ELOF1: variants seen among roughly 807,000 people sequenced by gnomAD.
ELOF1 encodes the protein transcription elongation factor 1 homolog.
In ELOF1, 4 loss-of-function variants were observed where a neutral mutation model predicts 7.1. That is an observed-to-expected ratio of 0.56 (90% confidence interval 0.28 to 1.29). The LOEUF (loss-of-function observed/expected upper bound fraction) is 1.29. Ranked by LOEUF, ELOF1 falls within the 50% of genes most tolerant of loss-of-function variation. The pLI is 0.10. For missense variants in ELOF1, 59 were observed against 86.3 expected, an observed-to-expected ratio of 0.68 and a Z score of 1.25; for synonymous variants, 31 against 31.9, an observed-to-expected ratio of 0.97 and a Z score of 0.09.
chr19:11,553,560 CCACA>C (rs1972766033), intron 3 of ELOF1: 1 of 671,364 alleles, frequency 1.5e-6, no homozygotes, highest in South Asian at 1.8e-5. Flanking sequence ...TCACTCACAC[CCACA>C]CCCACACGCA....
At chr19:11,553,153 C>T in intron 3 of ELOF1, 1 of 401,440 alleles carries the variant, frequency 2.5e-6, no homozygotes, top group Non-Finnish European at 4.4e-6. Flanking sequence ...TCCTGGTTAC[C>T]ATGGGGAGGG....
At chr19:11,558,860 T>G (rs1282982489) in intron 1 of ELOF1, 1 of 152,144 alleles carries the variant, frequency 6.6e-6, no homozygotes, top group Non-Finnish European at 1.5e-5. Context: ...CAGCCTGTCC[T>G]GTGACAACGT....
At chr19:11,555,188 C>T (rs536436224) in intron 1 of ELOF1, 164 of 239,224 alleles carry the variant, frequency 6.9e-4, no homozygotes, top group African/African-American at 3.6e-3. Context: ...ACCCAAGAGG[C>T]GGAGACTGCA....
chr19:11,558,600 T>G (rs889543943), intron 1 of ELOF1, among the ~76,000 whole-genome samples: 10 of 151,718 alleles, frequency 6.6e-5, no homozygotes, highest in African/African-American at 2.4e-4. Flanking sequence ...AAAATTAGCC[T>G]TGAGTCTGTA....
intron 3 of ELOF1, chr19:11,553,649 G>T: frequency 7.6e-7 from 1 of 1,315,574 alleles, no homozygotes; most frequent in Non-Finnish European, 1.1e-6. Flanking sequence ...GACAGCCCAG[G>T]ACCCACACCC....
rs769903708 is a variant in ELOF1 at position 11,553,823 on chromosome 19, G to A, written c.187+188C>T. 6.2e-7 allele frequency: 1 copy of A among 1,614,154 alleles called. No individual in the cohort carries two copies. The highest frequency in any genetic ancestry group is 8.5e-7 in the Non-Finnish European group (1 of 1,180,032). On this transcript the variant is annotated intron_variant, in intron 3 of 3. Transcript: ENST00000586683. ...GGTTCTGACAGATCTGGGCCACTTA[G>A]GTCAAGGGCGATCATTGGCATTGGA...
rs2145055398 is a variant in ELOF1, at chr19:11,554,018, G to A, written c.180C>T (p.Pro60=). 1.9e-6 allele frequency: 3 copies of A among 1,614,152 alleles called. No homozygotes were observed. The East Asian group carries it at 6.7e-5, about 36-fold the overall frequency. Residue 60 remains proline (P), a synonymous_variant, in exon 3 of 4, where the codon CCC becomes CCT. Coordinates refer to ENST00000586683, the Ensembl canonical transcript of ELOF1. ...CCAGGTTTCCAAGGATACACGTTAT[G>A]GGCGTCTGGAATTCCTCTAGGCACA...
At chr19:11,556,198 G>A (rs1259540507) in intron 1 of ELOF1, among the ~76,000 whole-genome samples, 2 of 152,162 alleles carry the variant, frequency 1.3e-5, no homozygotes, top group South Asian at 2.1e-4. Flanking sequence ...TTCTAGCATC[G>A]TTCCACTGTG....
chr19:11,557,888 T>C (rs183557062), intron 1 of ELOF1, among the ~76,000 whole-genome samples: 2 of 152,174 alleles, frequency 1.3e-5, no homozygotes, highest in East Asian at 3.9e-4. Flanking sequence ...ATGAGTTTAA[T>C]TGTTGGATCC....
chr19:11,553,831 G>T, intron 3 of ELOF1, 21 bp from the exon 4 acceptor site: 1 of 1,614,150 alleles, frequency 6.2e-7, no homozygotes, highest in Non-Finnish European at 8.5e-7. Flanking sequence ...TAGGTCAAGG[G>T]CGATCATTGG....
chr19:11,558,480 GC>G (rs1972865992), intron 1 of ELOF1, among the ~76,000 whole-genome samples: 1 of 151,778 alleles, frequency 6.6e-6, no homozygotes, highest in Non-Finnish European at 1.5e-5. Context: ...GGGACGTCAC[GC>G]CCGTAATCTC....
chr19:11,558,742 A>AG (rs1972870467), intron 1 of ELOF1, among the ~76,000 whole-genome samples: 1 of 151,416 alleles, frequency 6.6e-6, no homozygotes, highest in South Asian at 2.1e-4. Flanking sequence ...AAAAAAAAAA[A>AG]GTCCAAACAA....
chr19:11,553,951 AG>A, intron 3 of ELOF1, 59 bp downstream of exon 3: 1 of 1,612,472 alleles, frequency 6.2e-7, no homozygotes, highest in Non-Finnish European at 8.5e-7. Flanking sequence ...CCAGATGAGC[AG>A]GGTCCGGACT....
At chr19:11,557,587 C>CCCATGAGTTTAATTG (rs1972851490) in intron 1 of ELOF1, among the ~76,000 whole-genome samples, 1 of 102,966 alleles carries the variant, frequency 9.7e-6, no homozygotes. Context: ...CAGAGCAAAA[C>CCCATGAGTTTAATTG]TTCATCTAAA....
intron 3 of ELOF1, chr19:11,553,724 A>AGG (rs576149251): frequency 9.9e-6 from 16 of 1,613,984 alleles, no homozygotes; most frequent in Non-Finnish European, 1.4e-5. Context: ...GGGGCTGCTC[A>AGG]GGGGGCGGGT....
Position 11,555,886 on chromosome 19 carries a change from G to A in ELOF1, c.-18-1521C>T, listed in dbSNP as rs564445439. Among the ~76,000 whole-genome samples the A allele has an allele frequency of 3.9e-5, 6 of 152,252 alleles. No homozygotes were observed. The East Asian group carries it at 5.8e-4, about 15-fold the overall frequency. On this transcript the variant is annotated intron_variant, in intron 1 of 3. Coordinates refer to ENST00000586683, the Ensembl canonical transcript of ELOF1. ...TGGCGGCAGAGTGAGTGAGTGTGAC[G>A]AGAGAAGGAAAGTCCAGGATGACTC...
intron 1 of ELOF1, among the ~76,000 whole-genome samples, chr19:11,558,147 C>T (rs961327690): frequency 6.6e-6 from 1 of 152,172 alleles, no homozygotes; most frequent in Non-Finnish European, 1.5e-5. Context: ...ACAGCAATTC[C>T]ATCTTTCCGG....
Position 11,553,882 on chromosome 19 carries a change from C to G in ELOF1, c.187+129G>C, listed in dbSNP as rs763761250. The G allele has an allele frequency of 4.3e-6, 7 of 1,611,526 alleles. No homozygotes were observed. The East Asian group carries it at 1.3e-4, about 31-fold the overall frequency. On this transcript the variant is annotated intron_variant, in intron 3 of 3. Transcript: ENST00000586683. The stretch of plus-strand genomic sequence containing the variant: ...CTGCATCTTCTCACCCCACAGAAAT[C>G]ACTAGGTGGCACCTGTTCCTCTGGA...
At chr19:11,554,935 C>G (rs1390850458) in intron 1 of ELOF1, 1 of 143,340 alleles carries the variant, frequency 7.0e-6, no homozygotes, top group Non-Finnish European at 1.5e-5. Flanking sequence ...GCCTAGGCAA[C>G]AGGATGAAAC....
Sources: allele counts gnomAD v4.1 joint callset (sites outside exome capture counted in the v4.1 genomes callset), GRCh38; gene constraint gnomAD v4.1.1; transcripts MANE v1.5; gene names NCBI Gene and HGNC (gene_info 2026-07-23, HGNC 2026-07-21).